The following RTL3 variants were observed in gnomAD, a reference collection of about 807,000 sequenced individuals.
RTL3 encodes the protein retrotransposon Gag-like protein 3.
For missense variants in RTL3, 468 were observed against 341.8 expected, an observed-to-expected ratio of 1.37 and a Z score of -2.91; for synonymous variants, 181 against 132.2, an observed-to-expected ratio of 1.37 and a Z score of -2.53.
Position 78,656,592 on chromosome X carries a change from G to A in RTL3, c.*401C>T, listed in dbSNP as rs1603423346. 1 of 145,658 alleles carries A rather than the reference G, an allele frequency of 6.9e-6. No homozygotes were observed. The highest frequency in any genetic ancestry group is 7.7e-5 in the Admixed American group (1 of 12,946). 12.0% of individuals were successfully genotyped at this position (145,658 alleles called of 1,213,427 possible). A position where few individuals can be genotyped will look rare whatever the true frequency, so the allele number is the denominator to read the frequency against. On this transcript the variant is annotated 3_prime_UTR_variant, in exon 2 of 2. Coordinates refer to ENST00000321110, the MANE Select transcript of RTL3 (RefSeq NM_152694.3). ...AACGTGATAGAAAGGACACAGTGCG[G>A]GTACTCCATTCTATGTTTGGGTCAT...
chrX:78,657,938 G>A lies in RTL3; in HGVS notation c.483C>T (p.Pro161=), dbSNP rs974093307. 8.3e-7 allele frequency: 1 copy of A among 1,208,564 alleles called. No individual in the cohort carries two copies. The part of the protein sequence containing the change: ...QEPKNSEPQD[P]PNIEKPQEAP... ...CCTCCTGGGGCTTCTCAATATTTGG[G>A]GGATCCTGGGGTTCTGAATTCTTGG... The change falls in exon 2 of 2, where the codon CCC becomes CCT. Residue 161 remains proline, a synonymous_variant. Transcript: ENST00000321110.
In RTL3 at chrX:78,656,170, A is replaced by C. The variant is rs780427013; in HGVS notation, c.*823T>G. 1.9e-4 allele frequency: 21 copies of C among 112,318 alleles called. No individual in the cohort carries two copies. Among genetic ancestry groups the C allele is most frequent in the Non-Finnish European group, 2.6e-4 (14 of 53,317 alleles). The allele number at this position is 112,318 out of a possible 1,213,427, so 9.3% of individuals were successfully genotyped here. On this transcript the variant is annotated 3_prime_UTR_variant, in exon 2 of 2. Coordinates refer to ENST00000321110, the MANE Select transcript of RTL3 (RefSeq NM_152694.3). ...CATTTTTGTGATATAGAAAATATTGATAAGAAAAAAATCAAGTCAGTTTAA... is the reference window on the plus strand; with the variant it reads ...CATTTTTGTGATATAGAAAATATTGCTAAGAAAAAAATCAAGTCAGTTTAA...
chrX:78,659,083 GAC>G (rs1468264209), intron 1 of RTL3, among the ~76,000 whole-genome samples, 176 bp downstream of exon 1: 50 of 106,383 alleles, frequency 4.7e-4, no homozygotes, highest in Admixed American at 2.0e-4. Context: ...AGCTCTTTCT[GAC>G]ACCTCAGAAA....
At position 78,657,630 on chromosome X, in the gene RTL3, A is replaced by T. The variant is rs1480010789; in HGVS notation, c.791T>A (p.Val264Asp). The T allele has an allele frequency of 9.1e-6, 11 of 1,204,634 alleles. No homozygotes were observed. Among genetic ancestry groups the T allele is most frequent in the African/African-American group, 1.8e-5 (1 of 56,755 alleles). ...FLVQLYSYMR[V>D]RGHLYPTEAA... ...TTCAGTGGGATACAGGTGCCCTCTG[A>T]CTCTCATGTAACTATACAGCTGAAC... The change falls in exon 2 of 2, where the codon GTC becomes GAC. Residue 264 changes from valine to aspartate, a missense_variant. Val to Asp is a radical substitution (Grantham distance 152). Coordinates refer to ENST00000321110, the MANE Select transcript of RTL3 (RefSeq NM_152694.3).
At position 78,658,464 on chromosome X, in the gene RTL3, A is replaced by AGAT; in HGVS notation, c.-47_-45dup. 1.8e-6 allele frequency: 2 copies of AGAT among 1,090,454 alleles called. No individual in the cohort carries two copies. Among genetic ancestry groups the AGAT allele is most frequent in the South Asian group, 4.8e-5 (2 of 41,813 alleles). 89.9% of individuals were successfully genotyped at this position (1,090,454 alleles called of 1,213,427 possible). ...TGATTTGACAATTTGCTACCAAGAG[A>AGAT]GATTGGGTGGGTGTTTGTGAGATCC... On this transcript the variant is annotated 5_prime_UTR_variant, in exon 2 of 2. Coordinates refer to ENST00000321110, the MANE Select transcript of RTL3 (RefSeq NM_152694.3).
At position 78,657,286 on chromosome X, in the gene RTL3, C is replaced by G; in HGVS notation, c.1135G>C (p.Ala379Pro). The change falls in exon 2 of 2, where the codon GCC becomes CCC. Residue 379 changes from alanine (A) to proline (P), a missense_variant. By Grantham distance (27) the Ala-to-Pro change is conservative. Coordinates refer to ENST00000321110, the MANE Select transcript of RTL3 (RefSeq NM_152694.3). ...IQDELSHTSP[A>P]TNLSDLITQC... The stretch of plus-strand genomic sequence containing the variant: ...GTGATGAGATCAGATAGGTTGGTGG[C>G]TGGGCTTGTGTGAGACAGTTCATCT... 1 of 1,211,865 alleles carries G rather than the reference C, an allele frequency of 8.3e-7. No individual in the cohort carries two copies. The highest frequency in any genetic ancestry group is 1.1e-6 in the Non-Finnish European group (1 of 895,553).
Position 78,657,305 on chromosome X carries a change from T to A in RTL3, c.1116A>T (p.Glu372Asp). The A allele has an allele frequency of 1.7e-6, 2 of 1,211,856 alleles. No homozygotes were observed. Among genetic ancestry groups the A allele is most frequent in the Non-Finnish European group, 2.2e-6 (2 of 895,525 alleles). ...TGGTGGCTGGGCTTGTGTGAGACAG[T>A]TCATCTTGTATAGAACTGGCAAGAC... ...QEGLASSIQD[E>D]LSHTSPATNL... is the part of the protein sequence containing the mutation. Residue 372 changes from glutamate (E) to aspartate (D), a missense_variant, in exon 2 of 2, where the codon GAA becomes GAT. Transcript: ENST00000321110.
At position 78,657,563 on chromosome X, in the gene RTL3, C is replaced by T. The variant is rs764584968; in HGVS notation, c.858G>A (p.Arg286=). 1.2e-5 allele frequency: 15 copies of T among 1,205,308 alleles called. No individual in the cohort carries two copies. Among genetic ancestry groups the T allele is most frequent in the South Asian group, 1.1e-4 (6 of 55,812 alleles). Residue 286 remains arginine, a synonymous_variant, in exon 2 of 2, where the codon AGG becomes AGA. Transcript: ENST00000321110. ...GTAAGAGCTGGAACCACCATCCTGC[C>T]CTACCTGAGAAGCAATTGCCAACAA... ...VSFVGNCFSG[R]AGWWFQLLLD... is the part of the protein sequence containing the mutation.
In RTL3 at chrX:78,658,229, G is replaced by A; in HGVS notation, c.192C>T (p.Leu64=). The A allele has an allele frequency of 8.3e-7, 1 of 1,209,491 alleles. No homozygotes were observed. The highest frequency in any genetic ancestry group is 1.1e-6 in the Non-Finnish European group (1 of 894,709). Residue 64 remains leucine (L), a synonymous_variant, in exon 2 of 2, where the codon CTC becomes CTT. Coordinates refer to ENST00000321110, the MANE Select transcript of RTL3 (RefSeq NM_152694.3). ...KSSEAKEPQK[L]PEHMNPPAAW... ...CTGCTGGGGGATTCATGTGCTCTGG[G>A]AGCTTCTGGGGCTCCTTGGCCTCTG...
intron 1 of RTL3, among the ~76,000 whole-genome samples, 156 bp downstream of exon 1, chrX:78,659,105 A>G (rs1386309900): frequency 1.8e-5 from 2 of 108,301 alleles, no homozygotes; most frequent in African/African-American, 6.8e-5. Context: ...ATCATACCAC[A>G]TAAGTAACCA....
In RTL3 at chrX:78,656,600, AT is replaced by A. The variant is rs772321844; in HGVS notation, c.*392del. The A allele has an allele frequency of 1.1e-4, 17 of 150,467 alleles. No individual in the cohort carries two copies. The highest frequency in any genetic ancestry group is 1.0e-3 in the Admixed American group (13 of 13,048). 12.4% of individuals were successfully genotyped at this position (150,467 alleles called of 1,213,427 possible). On this transcript the variant is annotated 3_prime_UTR_variant, in exon 2 of 2. Coordinates refer to ENST00000321110, the MANE Select transcript of RTL3 (RefSeq NM_152694.3). Reference sequence around the variant, plus strand: ...AGAAAGGACACAGTGCGGGTACTCCATTCTATGTTTGGGTCATGTGTCTCAA... The same window carrying A: ...AGAAAGGACACAGTGCGGGTACTCCATCTATGTTTGGGTCATGTGTCTCAA...
chrX:78,657,482 C>T lies in RTL3; in HGVS notation c.939G>A (p.Gln313=). ...EQCESFIPVL[Q]DTFDNPENMK... ...TGTTTTCTGGATTATCAAAAGTATC[C>T]TGGAGCACAGGTATGAAACTTTCAC... Residue 313 remains glutamine, a synonymous_variant, in exon 2 of 2, where the codon CAG becomes CAA. Transcript: ENST00000321110. The T allele has an allele frequency of 1.7e-6, 2 of 1,207,548 alleles. No homozygotes were observed. The highest frequency in any genetic ancestry group is 2.2e-6 in the Non-Finnish European group (2 of 893,192).
chrX:78,658,076 C>T lies in RTL3; in HGVS notation c.345G>A (p.Leu115=). The change falls in exon 2 of 2, where the codon CTG becomes CTA. Residue 115 remains leucine, a synonymous_variant. Coordinates refer to ENST00000321110, the MANE Select transcript of RTL3 (RefSeq NM_152694.3). Reference sequence around the variant, plus strand: ...GGGACTCCCGGGTTGCTGGAGGCGCCAGGGACTCTGGGGCTGCTGGGGCCT... The same window carrying T: ...GGGACTCCCGGGTTGCTGGAGGCGCTAGGGACTCTGGGGCTGCTGGGGCCT... ...LQEAPAAPES[L]APPATRESQK... 8.7e-7 allele frequency: 1 copy of T among 1,152,209 alleles called. No individual in the cohort carries two copies. Among genetic ancestry groups the T allele is most frequent in the Non-Finnish European group, 1.1e-6 (1 of 870,726 alleles). The allele number at this position is 1,152,209 out of a possible 1,213,427, so 95.0% of individuals were successfully genotyped here. A position where few individuals can be genotyped will look rare whatever the true frequency, so the allele number is the denominator to read the frequency against.
In RTL3 at chrX:78,658,339, C is replaced by T; in HGVS notation, c.82G>A (p.Glu28Lys). 8.3e-7 allele frequency: 1 copy of T among 1,211,215 alleles called. No individual in the cohort carries two copies. Among genetic ancestry groups the T allele is most frequent in the Non-Finnish European group, 1.1e-6 (1 of 895,374 alleles). ...TGGGCCTGGAGAGCAGCATTTTCTT[C>T]CATCAGCCACTGCACTTGAGCCTGC... ...IRQAQVQWLM[E>K]ENAALQAQIP... The change falls in exon 2 of 2, where the codon GAA (glutamate) becomes AAA (lysine). Residue 28 changes from glutamate (E) to lysine (K), a missense_variant. Coordinates refer to ENST00000321110, the MANE Select transcript of RTL3 (RefSeq NM_152694.3).
chrX:78,658,720 C>A, intron 1 of RTL3, 72 bp from the exon 2 acceptor site: 1 of 205,925 alleles, frequency 4.9e-6, no homozygotes, highest in East Asian at 9.5e-5. Context: ...AAAATCTGCC[C>A]AACAATGCTG....
In RTL3 at chrX:78,657,487, G is replaced by A. The variant is rs374047694; in HGVS notation, c.934C>T (p.Leu312Phe). 4.1e-6 allele frequency: 5 copies of A among 1,205,493 alleles called. No individual in the cohort carries two copies. Among genetic ancestry groups the A allele is most frequent in the Non-Finnish European group, 5.6e-6 (5 of 892,703 alleles). Residue 312 changes from leucine to phenylalanine, a missense_variant, in exon 2 of 2, where the codon CTC becomes TTC. Leu to Phe is a conservative substitution (Grantham distance 22). Transcript: ENST00000321110. The part of the protein sequence containing the change: ...LEQCESFIPV[L>F]QDTFDNPENM... ...TCTGGATTATCAAAAGTATCCTGGA[G>A]CACAGGTATGAAACTTTCACATTGC...
At position 78,657,899 on chromosome X, in the gene RTL3, CT is replaced by C; in HGVS notation, c.521del (p.Gln174ArgfsTer7). 8.3e-7 allele frequency: 1 copy of C among 1,207,547 alleles called. No homozygotes were observed. The highest frequency in any genetic ancestry group is 1.7e-5 in the African/African-American group (1 of 57,197). ...GGAACTCTAGCTGTGCTGCAGTTTC[CT>C]GGTATTCTGGTGCCTCCTGGGGCTT... is the stretch of plus-strand genomic sequence containing the variant. ...IEKPQEAPEY[Q>X]ETAAQLEFLE... On this transcript the variant is annotated frameshift_variant, in exon 2 of 2. Transcript: ENST00000321110. LOFTEE classifies it low-confidence loss of function (END_TRUNC).
rs769664981 is a variant in RTL3 at position 78,657,073 on chromosome X, A to G, written c.1348T>C (p.Tyr450His). Residue 450 changes from tyrosine to histidine, a missense_variant, in exon 2 of 2, where the codon TAT becomes CAT. Physicochemically the swap from Tyr to His is moderately conservative, Grantham distance 83. Transcript: ENST00000321110. ...CAATCTCTGGCAAAATGACCAGGATAACCACAGTAGAGGCATAAGCGGCCT... is the reference window on the plus strand; with the variant it reads ...CAATCTCTGGCAAAATGACCAGGATGACCACAGTAGAGGCATAAGCGGCCT... ...HKGRLCLYCG[Y>H]PGHFARDCPV... is the part of the protein sequence containing the mutation. 2.5e-6 allele frequency: 3 copies of G among 1,212,417 alleles called. No individual in the cohort carries two copies. In the Admixed American group the frequency reaches 6.5e-5, roughly 26 times the overall value.
At position 78,657,037 on chromosome X, in the gene RTL3, G is replaced by A. The variant is rs746621531; in HGVS notation, c.1384C>T (p.Pro462Ser). ...GHFARDCPVK[P>S]HQALQAGNIQ... ...TTTCCCGCCTGCAGGGCCTGATGAG[G>A]CTTGACAGGGCAATCTCTGGCAAAA... Residue 462 changes from proline (P) to serine (S), a missense_variant, in exon 2 of 2, where the codon CCT becomes TCT. Physicochemically the swap from Pro to Ser is moderately conservative, Grantham distance 74. Transcript: ENST00000321110. The A allele has an allele frequency of 8.3e-6, 10 of 1,211,789 alleles. No individual in the cohort carries two copies. In the Admixed American group the frequency reaches 1.5e-4, roughly 18 times the overall value.
Sources: allele counts gnomAD v4.1 joint callset (sites outside exome capture counted in the v4.1 genomes callset), GRCh38; gene constraint gnomAD v4.1.1; transcripts MANE v1.5; gene names NCBI Gene and HGNC (gene_info 2026-07-23, HGNC 2026-07-21).